ARHGEF18: variants seen among roughly 807,000 people sequenced by gnomAD.
The protein encoded by ARHGEF18 is rho guanine nucleotide exchange factor 18.
In ARHGEF18, 93 loss-of-function variants were observed where a neutral mutation model predicts 155.7. That is an observed-to-expected ratio of 0.60 (90% confidence interval 0.50 to 0.71). The LOEUF is 0.71. Among genes scored for constraint, ARHGEF18 ranks in the 30% least tolerant of loss-of-function variants. The probability of loss-of-function intolerance (pLI) is 0.00; values close to 1 mark genes in which losing one functional copy is unlikely to be tolerated. For synonymous variants in ARHGEF18, 742 were observed against 753.1 expected (o/e 0.99, Z 0.24); for missense variants, 1,593 against 1,816.1 (o/e 0.88, Z 2.23).
intron 3 of ARHGEF18, among the ~76,000 whole-genome samples, chr19:7,375,285 G>A (rs80190568): frequency 0.37 from 31,070 of 83,564 alleles, 7,310 homozygotes; most frequent in African/African-American, 0.67. Flanking sequence ...AAAAAAAAAA[G>A]AAAGAAAAGA....
At chr19:7,472,680 T>C (rs1200614812), downstream of ARHGEF18, among the ~76,000 whole-genome samples, 6 of 152,086 alleles carry the variant, frequency 3.9e-5, no homozygotes, top group Non-Finnish European at 5.9e-5. Flanking sequence ...GTTTTGTTTT[T>C]GTTTTTGTTT....
chr19:7,396,062 T>C (rs1971690546), intron 10 of ARHGEF18, among the ~76,000 whole-genome samples: 1 of 152,218 alleles, frequency 6.6e-6, no homozygotes, highest in East Asian at 1.9e-4. Context: ...GTACCCAAGG[T>C]TTAGCTCCAC....
At chr19:7,386,568 G>C (rs1311044629) in intron 10 of ARHGEF18, among the ~76,000 whole-genome samples, 1 of 152,072 alleles carries the variant, frequency 6.6e-6, no homozygotes, top group African/African-American at 2.4e-5. Context: ...GTGGGAAAAG[G>C]GCCCTGTGGA....
intron 10 of ARHGEF18, among the ~76,000 whole-genome samples, chr19:7,411,738 C>G (rs756059135): frequency 7.2e-5 from 11 of 152,140 alleles, no homozygotes; most frequent in Non-Finnish European, 1.6e-4. Flanking sequence ...AGCTGCAACT[C>G]TGTCCTCATA....
intron 10 of ARHGEF18, among the ~76,000 whole-genome samples, chr19:7,438,217 C>T (rs2145759030): frequency 6.6e-6 from 1 of 151,740 alleles, no homozygotes; most frequent in South Asian, 2.1e-4. Flanking sequence ...CCTACTGCCT[C>T]AGCCTCCCGA....
chr19:7,439,629 AGCCTC>A, intron 10 of ARHGEF18: 2 of 1,072,494 alleles, frequency 1.9e-6, no homozygotes, highest in Admixed American at 4.7e-5. Flanking sequence ...ACAGAATCGG[AGCCTC>A]GCGTCCACTT....
At chr19:7,368,755 T>A (rs1268778773) in intron 2 of ARHGEF18, among the ~76,000 whole-genome samples, 1 of 151,544 alleles carries the variant, frequency 6.6e-6, no homozygotes, top group Non-Finnish European at 1.5e-5. Context: ...CAGTAGGAGG[T>A]TTTCCAGGCA....
At chr19:7,421,075 C>T (rs887338953) in intron 10 of ARHGEF18, among the ~76,000 whole-genome samples, 3 of 152,100 alleles carry the variant, frequency 2.0e-5, no homozygotes, top group African/African-American at 7.2e-5. Context: ...GGTCTGCAGG[C>T]GTGTGACACC....
Position 7,399,732 on chromosome 19 carries a change from G to A in ARHGEF18, c.967+16529G>A, listed in dbSNP as rs145580914. ...CCTGACCTCGTGATCCGCCCACTTC[G>A]CCTCCCAAAGTGCTGGGATTACAGG... is the stretch of plus-strand genomic sequence containing the variant. On this transcript the variant is annotated intron_variant, in intron 10 of 28. Transcript: ENST00000668164. 2.4e-3 allele frequency among the ~76,000 whole-genome samples: 361 copies of A among 150,214 alleles called. 3 individuals are homozygous for A. The highest frequency in any genetic ancestry group is 8.2e-3 in the African/African-American group (333 of 40,640).
intron 7 of ARHGEF18, among the ~76,000 whole-genome samples, chr19:7,380,693 A>C (rs768817830): frequency 2.0e-5 from 3 of 151,942 alleles, no homozygotes; most frequent in Non-Finnish European, 2.9e-5. Context: ...CTATTAAAAA[A>C]GAAAAAAAAC....
At chr19:7,351,909 G>A (rs1969167531) in intron 1 of ARHGEF18, among the ~76,000 whole-genome samples, 1 of 151,566 alleles carries the variant, frequency 6.6e-6, no homozygotes, top group Admixed American at 6.6e-5. Flanking sequence ...TACCCAGGCT[G>A]GTCTTGAATT....
Position 7,462,594 on chromosome 19 carries a change from C to A in ARHGEF18, c.2635+260C>A, listed in dbSNP as rs1053466086. ...CCCGTTCAACAACCGCTCTGATGCT[C>A]CCTGCATGCAGAGGCTCTAAGCCGG... On this transcript the variant is annotated intron_variant, in intron 21 of 28. Coordinates refer to ENST00000668164, the MANE Select transcript of ARHGEF18 (RefSeq NM_001367823.1). The surrounding 1 kb of genome is among the most constrained non-coding windows in gnomAD (Gnocchi z 4.4). Among the ~76,000 whole-genome samples, 1 of 151,924 alleles carries A rather than the reference C, an allele frequency of 6.6e-6. No individual in the cohort carries two copies. Among genetic ancestry groups the A allele is most frequent in the Non-Finnish European group, 1.5e-5 (1 of 68,032 alleles).
intron 2 of ARHGEF18, among the ~76,000 whole-genome samples, chr19:7,367,675 G>A (rs1380722265): frequency 1.3e-5 from 2 of 148,464 alleles, no homozygotes; most frequent in Non-Finnish European, 3.0e-5. Flanking sequence ...GAACCCAGGA[G>A]GTGGAGGTTG....
At position 7,468,933 on chromosome 19, in the gene ARHGEF18, G is replaced by A; in HGVS notation, c.3589G>A (p.Val1197Met). Reference sequence around the variant, plus strand: ...GCCAGAGTACGCAGAGCGCCCCGAGGTGGCTCGCCGGGACAGCGCCCCCAC... The same window carrying A: ...GCCAGAGTACGCAGAGCGCCCCGAGATGGCTCGCCGGGACAGCGCCCCCAC... ...VGPEYAERPE[V>M]ARRDSAPTEN... The change falls in exon 27 of 29, where the codon GTG becomes ATG. Residue 1197 changes from valine to methionine, a missense_variant. Transcript: ENST00000668164. 6.3e-7 allele frequency: 1 copy of A among 1,576,874 alleles called. No homozygotes were observed. Among genetic ancestry groups the A allele is most frequent in the Non-Finnish European group, 8.6e-7 (1 of 1,162,458 alleles).
chr19:7,356,440 A>C (rs1969309769), intron 1 of ARHGEF18, among the ~76,000 whole-genome samples: 1 of 151,622 alleles, frequency 6.6e-6, no homozygotes. Flanking sequence ...CACCTGGCTA[A>C]TTTATATATT....
At chr19:7,392,374 C>G (rs1320522876) in intron 10 of ARHGEF18, among the ~76,000 whole-genome samples, 2 of 151,714 alleles carry the variant, frequency 1.3e-5, no homozygotes, top group African/African-American at 4.8e-5. Flanking sequence ...CTGTGTCCAC[C>G]TGAAGTTTCC....
intron 23 of ARHGEF18, among the ~76,000 whole-genome samples, chr19:7,466,609 C>T (rs1257139651): frequency 6.6e-6 from 1 of 150,854 alleles, no homozygotes; most frequent in Non-Finnish European, 1.5e-5. Flanking sequence ...TTGCAACCAG[C>T]CTGGCCAACA....
chr19:7,404,328 C>CGTTCT (rs1972179659), intron 10 of ARHGEF18, among the ~76,000 whole-genome samples: 1 of 151,910 alleles, frequency 6.6e-6, no homozygotes, highest in Non-Finnish European at 1.5e-5. Flanking sequence ...TCTCGGGCTG[C>CGTTCT]GTTCTCTGTT....
chr19:7,387,623 G>A (rs186784877), intron 10 of ARHGEF18, among the ~76,000 whole-genome samples: 43 of 152,154 alleles, frequency 2.8e-4, no homozygotes, highest in Admixed American at 7.9e-4. Context: ...AGGACAGCTC[G>A]CCTGTTCATT....
Sources: allele counts gnomAD v4.1 joint callset (sites outside exome capture counted in the v4.1 genomes callset), GRCh38; gene constraint gnomAD v4.1.1; non-coding constraint Gnocchi (gnomAD v3.1); transcripts MANE v1.5; gene names NCBI Gene and HGNC (gene_info 2026-07-23, HGNC 2026-07-21).